The following CSMD1 variants were observed in gnomAD, a reference collection of about 807,000 sequenced individuals.
The protein encoded by CSMD1 is CUB and sushi domain-containing protein 1.
In CSMD1, 213 loss-of-function variants were observed where a neutral mutation model predicts 417.5. The ratio of observed to expected loss-of-function variants is 0.51; its 90% CI spans 0.46 to 0.57. The LOEUF is 0.57. CSMD1 is among the 20% of genes least tolerant of loss of function. The pLI is 0.00. For missense variants in CSMD1, 6,923 were observed against 4,529.7 expected (o/e 1.53, Z -15.17); for synonymous variants, 2,862 against 1,736.8 (o/e 1.65, Z -16.11).
intron 6 of CSMD1, among the ~76,000 whole-genome samples, chr8:3,747,167 G>C (rs921107926): frequency 6.6e-6 from 1 of 152,160 alleles, no homozygotes; most frequent in African/African-American, 2.4e-5. Context: ...CTCACATCCT[G>C]GTTCTGCCAT....
intron 3 of CSMD1, among the ~76,000 whole-genome samples, chr8:4,404,187 C>T (rs951992975): frequency 6.6e-6 from 1 of 152,148 alleles, no homozygotes; most frequent in African/African-American, 2.4e-5. Context: ...TGAAACTCAA[C>T]CTATAGCCTG....
chr8:3,133,156 G>A (rs977497248), intron 41 of CSMD1, among the ~76,000 whole-genome samples: 3 of 152,150 alleles, frequency 2.0e-5, no homozygotes, highest in Non-Finnish European at 4.4e-5. Context: ...TCTCCTCAGC[G>A]ACCTGGGGGA....
chr8:4,025,041 G>A (rs534471242), intron 4 of CSMD1, among the ~76,000 whole-genome samples: 6 of 152,204 alleles, frequency 3.9e-5, no homozygotes, highest in South Asian at 2.1e-4. Context: ...TTAGGCAGCC[G>A]GGACAACATC....
intron 27 of CSMD1, among the ~76,000 whole-genome samples, 188 bp from the exon 28 acceptor site, chr8:3,224,055 T>A (rs1798357063): frequency 6.6e-6 from 1 of 152,230 alleles, no homozygotes; most frequent in Non-Finnish European, 1.5e-5. Flanking sequence ...TGTACATTTT[T>A]CATGTAACTG....
intron 1 of CSMD1, among the ~76,000 whole-genome samples, chr8:4,882,660 G>C (rs531069594): frequency 1.3e-5 from 2 of 151,914 alleles, no homozygotes; most frequent in African/African-American, 2.4e-5. Flanking sequence ...CAACGTTGTA[G>C]ACTCTTCAAA....
In CSMD1 at chr8:3,087,131, C is replaced by A. The variant is rs750067315; in HGVS notation, c.7440G>T (p.Met2480Ile). 6.2e-7 allele frequency: 1 copy of A among 1,613,678 alleles called. No individual in the cohort carries two copies. Among genetic ancestry groups the A allele is most frequent in the East Asian group, 2.2e-5 (1 of 44,870 alleles). Residue 2480 changes from methionine (M) to isoleucine (I), a missense_variant, in exon 49 of 70, where the codon ATG (methionine) becomes ATT (isoleucine). Coordinates refer to ENST00000635120, the MANE Select transcript of CSMD1 (RefSeq NM_033225.6). Reference sequence around the variant, plus strand: ...GTGGCGTGAGGGAGTCCCACTGGTACATGCCAAGTGGGTTTCGTCTACAGG... The same window carrying A: ...GTGGCGTGAGGGAGTCCCACTGGTAAATGCCAAGTGGGTTTCGTCTACAGG... ...NATCRRNPLGMYQWDSLTPLC... is the reference protein window; with the variant it reads ...NATCRRNPLGIYQWDSLTPLC...
chr8:4,454,016 G>A (rs932811660), intron 2 of CSMD1, among the ~76,000 whole-genome samples: 2 of 151,698 alleles, frequency 1.3e-5, no homozygotes, highest in Admixed American at 1.3e-4. Context: ...TAGAGACGGG[G>A]TTTCACCGTG....
intron 4 of CSMD1, among the ~76,000 whole-genome samples, chr8:4,020,811 T>G (rs960416273): frequency 6.6e-6 from 1 of 152,248 alleles, no homozygotes; most frequent in African/African-American, 2.4e-5. Flanking sequence ...GAAAACTTTT[T>G]AGATTAATCA....
chr8:4,751,078 G>A (rs936462101), intron 1 of CSMD1, among the ~76,000 whole-genome samples: 4 of 152,126 alleles, frequency 2.6e-5, no homozygotes, highest in Non-Finnish European at 5.9e-5. Flanking sequence ...TGATATACAT[G>A]TGCATCGTTA....
rs1378502762 is a variant in CSMD1 at position 3,808,755 on chromosome 8, A to G, written c.819-54713T>C. Among the ~76,000 whole-genome samples the G allele has an allele frequency of 2.0e-5, 3 of 152,338 alleles. No homozygotes were observed. The East Asian group carries it at 5.8e-4, about 29-fold the overall frequency. On this transcript the variant is annotated intron_variant, in intron 5 of 69. Coordinates refer to ENST00000635120, the MANE Select transcript of CSMD1 (RefSeq NM_033225.6). ...CTCTTTCCTAGCATAGCCTTGCAAG[A>G]ACACGAGTTAGCTTTAGGTAGTTTG...
At position 4,151,467 on chromosome 8, in the gene CSMD1, T is replaced by A. The variant is rs1394353791; in HGVS notation, c.416-119368A>T. ...GCAATAAGATATTGAATCACCCATA[T>A]CTAGTTTAACAAACACATTATACAG... On this transcript the variant is annotated intron_variant, in intron 3 of 69. Coordinates refer to ENST00000635120, the MANE Select transcript of CSMD1 (RefSeq NM_033225.6). 3.9e-5 allele frequency among the ~76,000 whole-genome samples: 6 copies of A among 152,326 alleles called. No homozygotes were observed. The East Asian group carries it at 1.2e-3, about 29-fold the overall frequency.
intron 1 of CSMD1, among the ~76,000 whole-genome samples, chr8:4,955,273 T>A (rs1809016038): frequency 6.6e-6 from 1 of 152,170 alleles, no homozygotes; most frequent in South Asian, 2.1e-4. Flanking sequence ...TAAAAACCAA[T>A]AAAGTTGCAT....
intron 1 of CSMD1, among the ~76,000 whole-genome samples, chr8:4,674,656 G>A (rs1781850034): frequency 6.6e-6 from 1 of 152,076 alleles, no homozygotes; most frequent in Admixed American, 6.5e-5. Context: ...AAACAAAACA[G>A]AACAACAATA....
At chr8:4,198,476 G>C (rs940298080) in intron 3 of CSMD1, among the ~76,000 whole-genome samples, 3 of 152,160 alleles carry the variant, frequency 2.0e-5, no homozygotes, top group East Asian at 3.9e-4. Context: ...GGATGAGAAA[G>C]AAATCACTAG....
chr8:4,060,289 T>C (rs1798904434), intron 3 of CSMD1, among the ~76,000 whole-genome samples: 2 of 152,192 alleles, frequency 1.3e-5, no homozygotes, highest in African/African-American at 4.8e-5. Context: ...TGATGGGACG[T>C]ATCTCAGAAT....
At chr8:4,343,158 G>C (rs1026112821) in intron 3 of CSMD1, among the ~76,000 whole-genome samples, 6 of 152,116 alleles carry the variant, frequency 3.9e-5, no homozygotes, top group Non-Finnish European at 7.4e-5. Flanking sequence ...AATGGGCAAT[G>C]TATTTGGTAA....
intron 40 of CSMD1, among the ~76,000 whole-genome samples, chr8:3,146,210 C>A (rs1438546051): frequency 6.6e-6 from 1 of 152,086 alleles, no homozygotes. Flanking sequence ...GTAAGGCAGA[C>A]AGAAAGCTTC....
chr8:3,487,425 T>A (rs957373181), intron 11 of CSMD1, among the ~76,000 whole-genome samples: 2 of 152,096 alleles, frequency 1.3e-5, no homozygotes, highest in African/African-American at 4.8e-5. Flanking sequence ...ATGGTCTCGT[T>A]CTCCTGACCT....
At chr8:4,107,065 C>T (rs1407498539) in intron 3 of CSMD1, among the ~76,000 whole-genome samples, 1 of 152,112 alleles carries the variant, frequency 6.6e-6, no homozygotes, top group African/African-American at 2.4e-5. Flanking sequence ...AAGCAGGCAT[C>T]CATGTCAACG....
Sources: allele counts gnomAD v4.1 joint callset (sites outside exome capture counted in the v4.1 genomes callset), GRCh38; gene constraint gnomAD v4.1.1; transcripts MANE v1.5; gene names NCBI Gene and HGNC (gene_info 2026-07-23, HGNC 2026-07-21).